Variants in NAALADL2 observed in about 807,000 individuals in gnomAD.
The protein encoded by NAALADL2 is inactive N-acetylated-alpha-linked acidic dipeptidase-like protein 2.
A neutral mutation model predicts 87.2 loss-of-function variants in NAALADL2; 76 were observed. The observed-to-expected ratio is 0.87, with a 90% CI of 0.72 to 1.05. NAALADL2 has a LOEUF of 1.05. Among genes scored for constraint, NAALADL2 ranks in the 50% least tolerant of loss-of-function variants. The pLI, the probability that NAALADL2 is intolerant of heterozygous loss-of-function variation, is 0.00. For synonymous variants in NAALADL2, 354 were observed against 331.0 expected (o/e 1.07, Z -0.75); for missense variants, 1,089 against 945.8 (o/e 1.15, Z -1.99).
intron 1 of NAALADL2, among the ~76,000 whole-genome samples, chr3:174,890,945 T>C (rs1304012708): frequency 7.2e-5 from 11 of 152,106 alleles, no homozygotes; most frequent in Admixed American, 7.2e-4. Context: ...GAAATAATAA[T>C]ATATGAATAA....
At chr3:175,730,578 T>C (rs998503885) in intron 11 of NAALADL2, among the ~76,000 whole-genome samples, 6 of 150,842 alleles carry the variant, frequency 4.0e-5, no homozygotes, top group African/African-American at 1.5e-4. Context: ...TTTCTATGTA[T>C]AGTTTTTATC....
Position 175,417,095 on chromosome 3 carries a change from CAAA to C in NAALADL2, c.1091-30132_1091-30130del, listed in dbSNP as rs1046053407. Among the ~76,000 whole-genome samples the C allele has an allele frequency of 2.8e-5, 3 of 108,600 alleles. No homozygotes were observed. In the East Asian group the frequency reaches 8.0e-4, roughly 29 times the overall value. The allele number at this position is 108,600 out of a possible 152,430, so 71.2% of individuals were successfully genotyped here. A position where few individuals can be genotyped will look rare whatever the true frequency, so the allele number is the denominator to read the frequency against. On this transcript the variant is annotated intron_variant, in intron 5 of 13. Coordinates refer to ENST00000454872, the MANE Select transcript of NAALADL2 (RefSeq NM_207015.3). ...AAATATTAGTCAGAAAACAAGCAGC[CAAA>C]ATACAGAGGAAGAGAAAAGAAAAAA...
At chr3:174,583,962 G>A (rs145706997) in intron 2 of NAALADL2, among the ~76,000 whole-genome samples, 141 of 152,186 alleles carry the variant, frequency 9.3e-4, no homozygotes, top group African/African-American at 3.3e-3. Flanking sequence ...CCATAGGAAA[G>A]CTTCAACTCA....
chr3:174,510,002 AT>A (rs890634564), intron 1 of NAALADL2, among the ~76,000 whole-genome samples: 3 of 149,488 alleles, frequency 2.0e-5, no homozygotes, highest in Non-Finnish European at 4.5e-5. Context: ...TGAGATGATC[AT>A]TTTTTTTTGC....
intron 8 of NAALADL2, 74 bp downstream of exon 8, chr3:175,467,258 A>C (rs576805667): frequency 2.4e-4 from 308 of 1,291,076 alleles, no homozygotes; most frequent in Non-Finnish European, 2.8e-4. Context: ...TAAAATTTTC[A>C]AAGCCAAGGG....
intron 1 of NAALADL2, among the ~76,000 whole-genome samples, chr3:175,017,084 A>G (rs1375249723): frequency 6.6e-6 from 1 of 152,084 alleles, no homozygotes; most frequent in African/African-American, 2.4e-5. Context: ...TGACAATGCA[A>G]TACAACTAGT....
intron 5 of NAALADL2, among the ~76,000 whole-genome samples, chr3:175,339,104 C>A (rs774765007): frequency 3.3e-5 from 5 of 152,284 alleles, no homozygotes; most frequent in Middle Eastern, 6.8e-3. Flanking sequence ...TGTGCTGGCA[C>A]GCAGTTCAAA....
At chr3:175,449,992 C>G (rs1721313081) in intron 6 of NAALADL2, among the ~76,000 whole-genome samples, 1 of 152,064 alleles carries the variant, frequency 6.6e-6, no homozygotes, top group Admixed American at 6.6e-5. Context: ...TTTTAAAATA[C>G]AGAATATACA....
At chr3:175,001,016 T>C (rs888712398) in intron 1 of NAALADL2, among the ~76,000 whole-genome samples, 1 of 152,130 alleles carries the variant, frequency 6.6e-6, no homozygotes, top group Non-Finnish European at 1.5e-5. Flanking sequence ...ATGGGATCCA[T>C]AGCTAGGGTG....
intron 1 of NAALADL2, among the ~76,000 whole-genome samples, chr3:175,071,241 G>T (rs1454899567): frequency 2.0e-5 from 3 of 152,104 alleles, no homozygotes; most frequent in African/African-American, 7.2e-5. Context: ...TTGTTTTGGT[G>T]TAAAGAATGT....
At chr3:174,871,973 T>G (rs1025307271) in intron 1 of NAALADL2, among the ~76,000 whole-genome samples, 1 of 152,142 alleles carries the variant, frequency 6.6e-6, no homozygotes, top group Admixed American at 6.6e-5. Context: ...CTCTTGACGA[T>G]CTTTAATATT....
chr3:175,536,979 C>T (rs1284159985), intron 9 of NAALADL2, among the ~76,000 whole-genome samples: 2 of 151,422 alleles, frequency 1.3e-5, no homozygotes, highest in Non-Finnish European at 2.9e-5. Flanking sequence ...GAGACTCCGT[C>T]TCAAAAAAAA....
At chr3:175,558,459 G>C (rs184642151) in intron 9 of NAALADL2, among the ~76,000 whole-genome samples, 220 of 152,066 alleles carry the variant, frequency 1.4e-3, no homozygotes, top group African/African-American at 5.1e-3. Flanking sequence ...TTTTTGCTTT[G>C]TCTGTGCTTG....
intron 9 of NAALADL2, among the ~76,000 whole-genome samples, chr3:175,518,408 A>C (rs1175425485): frequency 6.6e-6 from 1 of 152,178 alleles, no homozygotes; most frequent in Non-Finnish European, 1.5e-5. Flanking sequence ...CGTCTTCTTT[A>C]CTCTTATAGC....
intron 3 of NAALADL2, among the ~76,000 whole-genome samples, chr3:174,810,225 G>A (rs942627712): frequency 2.6e-5 from 4 of 152,178 alleles, no homozygotes; most frequent in Non-Finnish European, 4.4e-5. Context: ...ATGTGGAAGC[G>A]ACTTTTGAGC....
chr3:175,338,227 A>G (rs750129755), intron 5 of NAALADL2, among the ~76,000 whole-genome samples: 8 of 152,074 alleles, frequency 5.3e-5, no homozygotes, highest in Admixed American at 3.3e-4. Flanking sequence ...AGCTGACCCT[A>G]AGAGAGGATA....
At position 175,576,047 on chromosome 3, in the gene NAALADL2, A is replaced by T; in HGVS notation, c.1660A>T (p.Asn554Tyr). ...SLQQLVVEKN[N>Y]FNCTRRAQCP... ...TTTAAATTATGTTTTTCAGAAAAAT[A>T]ATTTCAACTGTACCAGAAGAGCCCA... The change falls in exon 10 of 14, where the codon AAT becomes TAT. Residue 554 changes from asparagine (N) to tyrosine (Y), a missense_variant. Asn to Tyr is a moderately radical substitution (Grantham distance 143). Coordinates refer to ENST00000454872, the MANE Select transcript of NAALADL2 (RefSeq NM_207015.3). The T allele has an allele frequency of 6.2e-7, 1 of 1,610,218 alleles. No individual in the cohort carries two copies. The highest frequency in any genetic ancestry group is 8.5e-7 in the Non-Finnish European group (1 of 1,178,550).
chr3:175,442,997 T>C (rs75454725), intron 5 of NAALADL2, among the ~76,000 whole-genome samples: 2,229 of 152,320 alleles, frequency 0.015, 31 homozygotes, highest in Non-Finnish European at 0.022. Context: ...AAATAGTACA[T>C]GTGTTTAGCT....
At chr3:175,132,645 G>T (rs1728291705) in intron 2 of NAALADL2, among the ~76,000 whole-genome samples, 1 of 122,308 alleles carries the variant, frequency 8.2e-6, no homozygotes, top group African/African-American at 3.5e-5. Context: ...CGGGGTGGCT[G>T]GCCGGGCGGG....
Sources: allele counts gnomAD v4.1 joint callset (sites outside exome capture counted in the v4.1 genomes callset), GRCh38; gene constraint gnomAD v4.1.1; transcripts MANE v1.5; gene names NCBI Gene and HGNC (gene_info 2026-07-23, HGNC 2026-07-21).